The following CNTNAP2 variants were observed in gnomAD, a reference collection of about 807,000 sequenced individuals.
CNTNAP2 encodes contactin associated protein 2.
CNTNAP2 carries 98 observed loss-of-function variants against 155.2 expected under a neutral mutation model. That is an observed-to-expected ratio of 0.63 (90% CI 0.54 to 0.75). CNTNAP2 has a LOEUF of 0.75. Ranked by LOEUF, CNTNAP2 falls within the 30% of genes least tolerant of loss-of-function variation. The probability of loss-of-function intolerance (pLI) is 0.00; values close to 1 mark genes in which losing one functional copy is unlikely to be tolerated. For missense variants in CNTNAP2, 1,727 were observed against 1,688.1 expected, an observed-to-expected ratio of 1.02 and a Z score of -0.40; for synonymous variants, 651 against 631.2, an observed-to-expected ratio of 1.03 and a Z score of -0.47.
chr7:146,491,212 T>C lies in CNTNAP2; in HGVS notation c.98-283059T>C, dbSNP rs550946062. Among the ~76,000 whole-genome samples the C allele has an allele frequency of 5.3e-5, 8 of 152,274 alleles. 1 individual carries two copies. The East Asian group carries it at 5.8e-4, about 11-fold the overall frequency. On this transcript the variant is annotated intron_variant, in intron 1 of 23. Coordinates refer to ENST00000361727, the MANE Select transcript of CNTNAP2 (RefSeq NM_014141.6). Reference sequence around the variant, plus strand: ...CATTCTAGCTACAAGAACACTTCAGTGGCATTCAGAGCATAGAATTTCATC... The same window carrying C: ...CATTCTAGCTACAAGAACACTTCAGCGGCATTCAGAGCATAGAATTTCATC...
At chr7:148,279,039 G>A (rs540834365) in intron 21 of CNTNAP2, among the ~76,000 whole-genome samples, 29 of 152,294 alleles carry the variant, frequency 1.9e-4, no homozygotes, top group Non-Finnish European at 3.7e-4. Context: ...GCAGGAGACA[G>A]ATGAAGTCAG....
At chr7:147,753,370 C>T (rs1347098232) in intron 13 of CNTNAP2, among the ~76,000 whole-genome samples, 1 of 152,174 alleles carries the variant, frequency 6.6e-6, no homozygotes, top group Admixed American at 6.5e-5. Flanking sequence ...GCCCTAGTCA[C>T]TTAGAATTTA....
intron 18 of CNTNAP2, among the ~76,000 whole-genome samples, chr7:148,181,762 T>C (rs1277655972): frequency 7.8e-6 from 1 of 128,158 alleles, no homozygotes; most frequent in African/African-American, 3.0e-5. Context: ...TTTTTTTTTT[T>C]TTTTTTTTTT....
At chr7:147,425,255 T>C (rs1422869696) in intron 10 of CNTNAP2, among the ~76,000 whole-genome samples, 1 of 74,056 alleles carries the variant, frequency 1.4e-5, no homozygotes, top group African/African-American at 5.6e-5. Flanking sequence ...TTCCACACAA[T>C]GACCATTGCC....
intron 2 of CNTNAP2, among the ~76,000 whole-genome samples, chr7:146,833,914 T>C (rs1390567069): frequency 1.3e-5 from 2 of 152,194 alleles, no homozygotes; most frequent in Non-Finnish European, 2.9e-5. Flanking sequence ...CTTTTCAATT[T>C]TCTTCTTATC....
intron 3 of CNTNAP2, among the ~76,000 whole-genome samples, chr7:146,977,093 G>C (rs933221826): frequency 6.6e-6 from 1 of 152,082 alleles, no homozygotes; most frequent in African/African-American, 2.4e-5. Context: ...TATAACAAAG[G>C]CCACAGGAGT....
At chr7:146,768,892 A>G (rs73740854) in intron 1 of CNTNAP2, among the ~76,000 whole-genome samples, 1 of 152,138 alleles carries the variant, frequency 6.6e-6, no homozygotes, top group Non-Finnish European at 1.5e-5. Flanking sequence ...TTTGAAAACC[A>G]TACTTTTGTG....
chr7:147,280,334 G>A (rs1377770986), intron 8 of CNTNAP2, among the ~76,000 whole-genome samples: 2 of 151,862 alleles, frequency 1.3e-5, no homozygotes, highest in African/African-American at 2.4e-5. Context: ...GACAAAAACA[G>A]AGGTCACACA....
intron 1 of CNTNAP2, among the ~76,000 whole-genome samples, chr7:146,738,541 C>T (rs1158753792): frequency 1.3e-5 from 2 of 151,686 alleles, no homozygotes; most frequent in African/African-American, 2.4e-5. Context: ...TATATTTTTA[C>T]TTTTGCTGCC....
chr7:147,970,357 C>A (rs1801312376), intron 14 of CNTNAP2, among the ~76,000 whole-genome samples: 1 of 152,094 alleles, frequency 6.6e-6, no homozygotes, highest in Admixed American at 6.6e-5. Context: ...TACCTTTTGA[C>A]CTACTTTTTC....
At chr7:146,595,216 C>T (rs1375781914) in intron 1 of CNTNAP2, among the ~76,000 whole-genome samples, 1 of 151,856 alleles carries the variant, frequency 6.6e-6, no homozygotes, top group South Asian at 2.1e-4. Flanking sequence ...GATTATAGAC[C>T]CGTGTTATCA....
intron 11 of CNTNAP2, among the ~76,000 whole-genome samples, chr7:147,556,864 G>A (rs749465464): frequency 1.3e-5 from 2 of 152,166 alleles, no homozygotes; most frequent in African/African-American, 2.4e-5. Context: ...TGTTAGAGCA[G>A]CAAGAGGAAA....
chr7:146,707,078 C>T (rs1309205961), intron 1 of CNTNAP2, among the ~76,000 whole-genome samples: 1 of 152,156 alleles, frequency 6.6e-6, no homozygotes, highest in African/African-American at 2.4e-5. Context: ...TATTTACATT[C>T]ACAACATTCA....
chr7:148,187,206 A>C (rs1795130876), intron 18 of CNTNAP2, among the ~76,000 whole-genome samples: 1 of 152,166 alleles, frequency 6.6e-6, no homozygotes, highest in Non-Finnish European at 1.5e-5. Flanking sequence ...TTAGATAACA[A>C]GATAATTCTT....
chr7:146,169,277 A>G (rs62504803), intron 1 of CNTNAP2, among the ~76,000 whole-genome samples: 25,838 of 152,128 alleles, frequency 0.17, 2,738 homozygotes, highest in East Asian at 0.28. Context: ...AGGGATATTT[A>G]TCTCTTTTTT....
intron 15 of CNTNAP2, among the ~76,000 whole-genome samples, chr7:148,035,644 G>A (rs1373412177): frequency 6.6e-6 from 1 of 152,190 alleles, no homozygotes; most frequent in Non-Finnish European, 1.5e-5. Context: ...TCAGGGCCCA[G>A]GCAGAGACAT....
chr7:146,933,109 A>G (rs184480746), intron 3 of CNTNAP2, among the ~76,000 whole-genome samples: 6,692 of 152,124 alleles, frequency 0.044, 167 homozygotes, highest in South Asian at 0.076. Flanking sequence ...TATGGCACCA[A>G]AAAAGAGCCC....
chr7:147,767,005 C>G (rs781082282), intron 13 of CNTNAP2, among the ~76,000 whole-genome samples: 2 of 152,070 alleles, frequency 1.3e-5, no homozygotes, highest in Non-Finnish European at 2.9e-5. Flanking sequence ...ATATATTGTA[C>G]CAGATACCAT....
chr7:146,376,754 A>G (rs1795309606), intron 1 of CNTNAP2, among the ~76,000 whole-genome samples: 1 of 152,278 alleles, frequency 6.6e-6, no homozygotes, highest in Admixed American at 6.5e-5. Flanking sequence ...ATTAAGAGGT[A>G]GGGACTTTAG....
Sources: gnomAD v4.1 joint callset for allele counts (sites outside exome capture counted in the v4.1 genomes callset) on GRCh38, gnomAD v4.1.1 for gene constraint, MANE v1.5 for transcripts, NCBI Gene and HGNC (gene_info 2026-07-23, HGNC 2026-07-21) for gene names.